FBXL2: variants seen among roughly 807,000 people sequenced by gnomAD.
The protein encoded by FBXL2 is F-box/LRR-repeat protein 2.
A neutral mutation model predicts 69.2 loss-of-function variants in FBXL2; 38 were observed. The observed-to-expected ratio is 0.55, with a 90% CI of 0.42 to 0.72. The LOEUF (loss-of-function observed/expected upper bound fraction) is 0.72, where lower values mean the gene tolerates loss of function less well. FBXL2 is among the 30% of genes least tolerant of loss of function. The pLI is 0.00. For missense variants in FBXL2, 354 were observed against 520.3 expected (o/e 0.68, Z 3.11); for synonymous variants, 192 against 201.3 (o/e 0.95, Z 0.39).
chr3:33,399,516 G>C (rs2044141006), intron 12 of FBXL2, among the ~76,000 whole-genome samples: 1 of 152,134 alleles, frequency 6.6e-6, no homozygotes, highest in South Asian at 2.1e-4. Flanking sequence ...CAACAACTTA[G>C]GTGGCCGTTA....
intron 2 of FBXL2, among the ~76,000 whole-genome samples, chr3:33,348,866 T>C: frequency 6.6e-6 from 1 of 152,314 alleles, no homozygotes. Context: ...TTATTTAATT[T>C]TATTTGTGAC....
At chr3:33,371,652 T>C (rs2042313952) in intron 5 of FBXL2, among the ~76,000 whole-genome samples, 1 of 152,216 alleles carries the variant, frequency 6.6e-6, no homozygotes, top group Admixed American at 6.5e-5. Context: ...CTTTTCTCTT[T>C]ATTGTGGATA....
intron 2 of FBXL2, among the ~76,000 whole-genome samples, chr3:33,342,807 G>C (rs1001788319): frequency 8.3e-6 from 1 of 121,000 alleles, no homozygotes; most frequent in Non-Finnish European, 1.6e-5. Context: ...CTCACTGCAA[G>C]CTCCGCCTCC....
chr3:33,345,576 T>C (rs1005351155), intron 2 of FBXL2, among the ~76,000 whole-genome samples: 2 of 152,168 alleles, frequency 1.3e-5, no homozygotes, highest in East Asian at 3.9e-4. Context: ...TATAGAATGC[T>C]TTATCCAACA....
At chr3:33,330,907 A>G (rs1442573164) in intron 2 of FBXL2, among the ~76,000 whole-genome samples, 4 of 148,202 alleles carry the variant, frequency 2.7e-5, no homozygotes, top group Non-Finnish European at 6.0e-5. Flanking sequence ...AAACACACAC[A>G]CACACAAACA....
At chr3:33,322,265 A>G (rs1407458990) in intron 2 of FBXL2, among the ~76,000 whole-genome samples, 4 of 151,710 alleles carry the variant, frequency 2.6e-5, no homozygotes, top group Non-Finnish European at 5.9e-5. Context: ...TTTTTAGTAC[A>G]GACAGGGTTT....
chr3:33,287,757 C>A (rs6776785), intron 1 of FBXL2, among the ~76,000 whole-genome samples: 14,995 of 152,244 alleles, frequency 0.098, 767 homozygotes, highest in African/African-American at 0.12. Flanking sequence ...GTTTCCAAAG[C>A]CTGGGCTCTT....
intron 14 of FBXL2, among the ~76,000 whole-genome samples, chr3:33,384,731 C>T (rs923075456): frequency 4.6e-5 from 7 of 151,934 alleles, no homozygotes; most frequent in Non-Finnish European, 7.4e-5. Context: ...GTCTGGTGAT[C>T]GTAGCCCTTA....
chr3:33,389,136 T>C (rs1477981899), downstream of FBXL2: 1 of 152,654 alleles, frequency 6.6e-6, no homozygotes, highest in Non-Finnish European at 1.5e-5. Flanking sequence ...TTGAAAAGTA[T>C]GCTAGCAGAC....
At chr3:33,281,972 A>G (rs1186825573) in intron 1 of FBXL2, among the ~76,000 whole-genome samples, 1 of 152,162 alleles carries the variant, frequency 6.6e-6, no homozygotes, top group Non-Finnish European at 1.5e-5. Context: ...GTAGATTGCA[A>G]AAATTTTCTC....
chr3:33,373,862 C>G lies in FBXL2; in HGVS notation c.598C>G (p.Leu200Val), dbSNP rs773878938. 1 of 1,614,220 alleles carries G rather than the reference C, an allele frequency of 6.2e-7. No homozygotes were observed. The highest frequency in any genetic ancestry group is 8.5e-7 in the Non-Finnish European group (1 of 1,180,040). The change falls in exon 9 of 15, where the codon CTG becomes GTG. Residue 200 changes from leucine (L) to valine (V), a missense_variant. Transcript: ENST00000484457. ...RGCTQLEDEA[L>V]KHIQNYCHEL... ...GTCCACTCAGTTAGAAGATGAAGCT[C>G]TGAAACACATTCAGAATTACTGCCA...
intron 1 of FBXL2, among the ~76,000 whole-genome samples, chr3:33,283,023 A>C (rs1305112392): frequency 2.0e-5 from 3 of 152,108 alleles, no homozygotes; most frequent in Non-Finnish European, 2.9e-5. Context: ...TCTTTTCCTA[A>C]TTGAATACTC....
At chr3:33,328,668 C>T (rs187849995) in intron 2 of FBXL2, among the ~76,000 whole-genome samples, 2 of 152,150 alleles carry the variant, frequency 1.3e-5, no homozygotes, top group African/African-American at 4.8e-5. Context: ...AAACTAGACC[C>T]CTGTCTCTCA....
At position 33,323,489 on chromosome 3, in the gene FBXL2, G is replaced by C. The variant is rs370234988; in HGVS notation, c.65+25764G>C. On this transcript the variant is annotated intron_variant, in intron 2 of 14. Transcript: ENST00000484457. ...CCCGACGCCCAACAGGCCCCATTGT[G>C]TGATGTTCCCCTCCCTGTGTCCATG... is the stretch of plus-strand genomic sequence containing the variant. Among the ~76,000 whole-genome samples the C allele has an allele frequency of 1.6e-4, 24 of 152,196 alleles. No homozygotes were observed. In the East Asian group the frequency reaches 4.1e-3, roughly 26 times the overall value.
chr3:33,383,881 T>C, intron 13 of FBXL2, 108 bp from the exon 14 acceptor site: 2 of 930,924 alleles, frequency 2.1e-6, no homozygotes, highest in Admixed American at 2.0e-5. Context: ...ATTCTTGCTG[T>C]GTCATCCCAT....
intron 12 of FBXL2, among the ~76,000 whole-genome samples, chr3:33,395,043 T>C (rs2043921274): frequency 6.6e-6 from 1 of 152,170 alleles, no homozygotes; most frequent in African/African-American, 2.4e-5. Flanking sequence ...CAAACACTCA[T>C]GTTTGAGAAT....
intron 2 of FBXL2, among the ~76,000 whole-genome samples, chr3:33,299,145 G>A (rs1446706149): frequency 1.3e-5 from 2 of 151,864 alleles, no homozygotes; most frequent in African/African-American, 2.4e-5. Flanking sequence ...AGGTTCAAGC[G>A]ATTCTCCTGC....
chr3:33,347,313 A>G (rs941595200), intron 2 of FBXL2, among the ~76,000 whole-genome samples: 3 of 152,202 alleles, frequency 2.0e-5, no homozygotes, highest in Non-Finnish European at 2.9e-5. Flanking sequence ...CATTCTTTGT[A>G]TGGCTGAATG....
intron 2 of FBXL2, among the ~76,000 whole-genome samples, chr3:33,299,395 A>G (rs1484305108): frequency 6.6e-6 from 1 of 152,208 alleles, no homozygotes; most frequent in East Asian, 1.9e-4. Context: ...ACATACAATA[A>G]GAGATTGACC....
Sources: gnomAD v4.1 joint callset for allele counts (sites outside exome capture counted in the v4.1 genomes callset) on GRCh38, gnomAD v4.1.1 for gene constraint, MANE v1.5 for transcripts, NCBI Gene and HGNC (gene_info 2026-07-23, HGNC 2026-07-21) for gene names.